Variants in SEMA3C observed in about 807,000 individuals in gnomAD.
SEMA3C encodes the protein semaphorin-3C.
A neutral mutation model predicts 89.4 loss-of-function variants in SEMA3C; 47 were observed. The ratio of observed to expected loss-of-function variants is 0.53; its 90% CI spans 0.42 to 0.67. SEMA3C has a LOEUF of 0.67. Ranked by LOEUF, SEMA3C falls within the 30% of genes least tolerant of loss-of-function variation. The pLI is 0.00. For synonymous variants in SEMA3C, 310 were observed against 320.2 expected, an observed-to-expected ratio of 0.97 and a Z score of 0.34; for missense variants, 839 against 929.1, an observed-to-expected ratio of 0.90 and a Z score of 1.26.
chr7:80,786,368 A>C (rs1788801491), intron 12 of SEMA3C, among the ~76,000 whole-genome samples: 1 of 152,022 alleles, frequency 6.6e-6, no homozygotes, highest in South Asian at 2.1e-4. Context: ...TTATGGAGAA[A>C]ATACACATAT....
At chr7:80,851,504 T>TTA (rs377699517) in intron 2 of SEMA3C, among the ~76,000 whole-genome samples, 5 of 69,794 alleles carry the variant, frequency 7.2e-5, no homozygotes, top group Non-Finnish European at 1.3e-4. Context: ...CTCTTGTCTT[T>TTA]AAAAAAAAAA....
At chr7:80,811,792 T>C (rs572046753) in intron 5 of SEMA3C, among the ~76,000 whole-genome samples, 1 of 152,270 alleles carries the variant, frequency 6.6e-6, no homozygotes, top group South Asian at 2.1e-4. Flanking sequence ...AGTTTCCTAT[T>C]ACAAGAGTCC....
At position 80,814,368 on chromosome 7, in the gene SEMA3C, G is replaced by A. The variant is rs141663873; in HGVS notation, c.448-3667C>T. Among the ~76,000 whole-genome samples the A allele has an allele frequency of 3.6e-3, 553 of 152,128 alleles. 3 individuals are homozygous for A. Among genetic ancestry groups the A allele is most frequent in the African/African-American group, 0.012 (500 of 41,504 alleles). On this transcript the variant is annotated intron_variant, in intron 5 of 17. Transcript: ENST00000265361. ...CTCCCTAAGTGCTGTGATTACAGGC[G>A]TGAGCCACCGCGCCCAGCCCTGCCT...
chr7:80,898,457 TATA>T (rs1161955502), intron 2 of SEMA3C, among the ~76,000 whole-genome samples: 4 of 152,200 alleles, frequency 2.6e-5, no homozygotes, highest in Admixed American at 2.0e-4. Flanking sequence ...GAATTCCATA[TATA>T]ATAATAACAG....
intron 2 of SEMA3C, among the ~76,000 whole-genome samples, chr7:80,837,218 T>C (rs1790154259): frequency 6.6e-6 from 1 of 152,190 alleles, no homozygotes; most frequent in Non-Finnish European, 1.5e-5. Flanking sequence ...AAATCAATCT[T>C]TGGCCAACAA....
intron 5 of SEMA3C, among the ~76,000 whole-genome samples, chr7:80,812,961 AT>A (rs1215661147): frequency 0.09 from 8,323 of 92,490 alleles, 441 homozygotes; most frequent in East Asian, 0.35. Flanking sequence ...TATTTTTTGT[AT>A]TTTTTTTTTT....
intron 5 of SEMA3C, among the ~76,000 whole-genome samples, chr7:80,813,469 A>G (rs1356977708): frequency 3.3e-5 from 5 of 152,174 alleles, no homozygotes; most frequent in African/African-American, 1.2e-4. Context: ...CATTATTGCT[A>G]CTTTGCAGAG....
chr7:80,830,932 A>T (rs1789995276), intron 2 of SEMA3C, among the ~76,000 whole-genome samples: 1 of 152,198 alleles, frequency 6.6e-6, no homozygotes, highest in South Asian at 2.1e-4. Flanking sequence ...AGCTGAGAAC[A>T]TGGGAGAGAA....
At chr7:80,874,551 C>T (rs1173581264) in intron 2 of SEMA3C, among the ~76,000 whole-genome samples, 1 of 151,790 alleles carries the variant, frequency 6.6e-6, no homozygotes, top group Non-Finnish European at 1.5e-5. Context: ...ACTACAACCT[C>T]CGCCTCCCAG....
chr7:80,857,284 C>A (rs567987106), intron 2 of SEMA3C, among the ~76,000 whole-genome samples: 2 of 152,148 alleles, frequency 1.3e-5, no homozygotes, highest in African/African-American at 4.8e-5. Context: ...TGACACGGGC[C>A]CTTTAATGAA....
At chr7:80,782,917 T>G (rs1788722162) in intron 12 of SEMA3C, among the ~76,000 whole-genome samples, 1 of 152,190 alleles carries the variant, frequency 6.6e-6, no homozygotes, top group Non-Finnish European at 1.5e-5. Flanking sequence ...ATTATAATAG[T>G]AATAAAATAT....
At chr7:80,760,863 T>C (rs1402263870) in intron 14 of SEMA3C, among the ~76,000 whole-genome samples, 1 of 152,206 alleles carries the variant, frequency 6.6e-6, no homozygotes, top group Non-Finnish European at 1.5e-5. Flanking sequence ...GGGATGCAAA[T>C]GCATGCCAAG....
intron 2 of SEMA3C, among the ~76,000 whole-genome samples, chr7:80,906,954 A>G (rs1274882603): frequency 1.3e-5 from 2 of 152,192 alleles, no homozygotes; most frequent in Non-Finnish European, 2.9e-5. Context: ...ATATAATTAA[A>G]TGAATAACCA....
In SEMA3C at chr7:80,884,540, T is replaced by C. The variant is rs929773828; in HGVS notation, c.103+32139A>G. ...TGTATTGACAATTCTGTAGTGAAGA[T>C]AAGTAGCAAATATTTTCCATCAGTC... On this transcript the variant is annotated intron_variant, in intron 2 of 17. Transcript: ENST00000265361. Among the ~76,000 whole-genome samples, 38 of 152,168 alleles carry C rather than the reference T, an allele frequency of 2.5e-4. 1 individual carries two copies. Among genetic ancestry groups the C allele is most frequent in the Non-Finnish European group, 3.8e-4 (26 of 68,030 alleles).
chr7:80,786,953 T>C (rs1430467594), intron 12 of SEMA3C, among the ~76,000 whole-genome samples: 1 of 152,206 alleles, frequency 6.6e-6, no homozygotes, highest in Non-Finnish European at 1.5e-5. Flanking sequence ...GGTTATACAA[T>C]GTGTGTTATC....
Position 80,754,957 on chromosome 7 carries a change from G to GGTTTTTTTTTGTTTTTTTTTTTT in SEMA3C, c.1643+3373_1643+3374insAAAAAAAAAAAACAAAAAAAAAC, listed in dbSNP as rs1788025146. 2.8e-5 allele frequency among the ~76,000 whole-genome samples: 3 copies of GGTTTTTTTTTGTTTTTTTTTTTT among 108,366 alleles called. No homozygotes were observed. In the Admixed American group the frequency reaches 3.0e-4, roughly 11 times the overall value. 71.1% of individuals were successfully genotyped at this position (108,366 alleles called of 152,430 possible). ...CATGCCTGGCGAATTGTTTTTTTTTGTTTTTTTTTTTTTTGTATTTTTAGT... is the reference window on the plus strand; with the variant it reads ...CATGCCTGGCGAATTGTTTTTTTTTGGTTTTTTTTTGTTTTTTTTTTTTTTTTTTTTTTTTTTGTATTTTTAGT... On this transcript the variant is annotated intron_variant, in intron 15 of 17. Coordinates refer to ENST00000265361, the MANE Select transcript of SEMA3C (RefSeq NM_006379.5).
intron 2 of SEMA3C, among the ~76,000 whole-genome samples, chr7:80,877,634 T>C (rs1410936847): frequency 1.3e-5 from 2 of 152,186 alleles, no homozygotes; most frequent in Non-Finnish European, 1.5e-5. Flanking sequence ...AGTTGAAAGA[T>C]GGAAAAAAAG....
chr7:80,770,984 C>A (rs943264201), intron 12 of SEMA3C, among the ~76,000 whole-genome samples: 2 of 152,210 alleles, frequency 1.3e-5, no homozygotes, highest in African/African-American at 4.8e-5. Flanking sequence ...CATCTTAGCA[C>A]AAATTCAGCT....
chr7:80,833,231 G>A (rs1790049820), intron 2 of SEMA3C, among the ~76,000 whole-genome samples: 1 of 150,116 alleles, frequency 6.7e-6, no homozygotes, highest in Admixed American at 6.6e-5. Flanking sequence ...TCAGGAGATC[G>A]AGACTACACT....
Sources: allele counts gnomAD v4.1 joint callset (sites outside exome capture counted in the v4.1 genomes callset), GRCh38; gene constraint gnomAD v4.1.1; transcripts MANE v1.5; gene names NCBI Gene and HGNC (gene_info 2026-07-23, HGNC 2026-07-21).